The following CR1 variants were observed in gnomAD, a reference collection of about 807,000 sequenced individuals.
CR1 encodes the protein complement C3b/C4b receptor 1 (Knops blood group), also known as complement receptor type 1.
A neutral mutation model predicts 187.3 loss-of-function variants in CR1; 116 were observed. The observed-to-expected ratio is 0.62, with a 90% CI of 0.53 to 0.72. CR1 has a LOEUF of 0.72. Ranked by LOEUF, CR1 falls within the 30% of genes least tolerant of loss-of-function variation. The probability of loss-of-function intolerance (pLI) is 0.00; values close to 1 mark genes in which losing one functional copy is unlikely to be tolerated. For synonymous variants in CR1, 576 were observed against 747.1 expected, an observed-to-expected ratio of 0.77 and a Z score of 3.73; for missense variants, 1,731 against 2,110.7, an observed-to-expected ratio of 0.82 and a Z score of 3.52.
chr1:207,620,197 C>A, intron 43 of CR1, 132 bp downstream of exon 43: 1 of 880,402 alleles, frequency 1.1e-6, no homozygotes, highest in Non-Finnish European at 1.7e-6. Context: ...ATATGAGCAT[C>A]CACCTATTCC....
At chr1:207,525,171 C>T (rs549273089) in intron 5 of CR1, among the ~76,000 whole-genome samples, 1 of 152,084 alleles carries the variant, frequency 6.6e-6, no homozygotes, top group Admixed American at 6.5e-5. Context: ...AAGAAACCAC[C>T]TCCATGATCC....
intron 31 of CR1, among the ~76,000 whole-genome samples, chr1:207,581,208 G>A (rs569720393): frequency 1.5e-3 from 212 of 144,054 alleles, no homozygotes; most frequent in Non-Finnish European, 2.5e-3. Flanking sequence ...ATATGTAGAC[G>A]TATACATATG....
intron 3 of CR1, among the ~76,000 whole-genome samples, chr1:207,509,451 C>A (rs1007802955): frequency 2.0e-5 from 3 of 152,024 alleles, no homozygotes; most frequent in Non-Finnish European, 4.4e-5. Flanking sequence ...CTTACTTCCT[C>A]CAAACATTCT....
chr1:207,517,427 T>C (rs1314309050), intron 4 of CR1, among the ~76,000 whole-genome samples: 6 of 152,152 alleles, frequency 3.9e-5, no homozygotes, highest in African/African-American at 1.4e-4. Flanking sequence ...AATATTTTGT[T>C]CAGAAAATTT....
In CR1 at chr1:207,611,754, G is replaced by C. The variant is rs202148801; in HGVS notation, c.6373G>C (p.Val2125Leu). ...GGACAACTTTTCACCTGGGCAGGAA[G>C]TGTTCTACAGCTGTGAGCCCAGCTA... Reference protein sequence around the residue: ...HQDNFSPGQEVFYSCEPSYDL... With the variant: ...HQDNFSPGQELFYSCEPSYDL... Residue 2125 changes from valine (V) to leucine (L), a missense_variant, in exon 38 of 47, where the codon GTG (valine) becomes CTG (leucine). Around this residue, in one of 5 missense-constraint regions of CR1, gnomAD observed 1,312 missense variants for 1,379.6 expected, o/e 0.95. Transcript: ENST00000367049. 2.0e-4 allele frequency: 317 copies of C among 1,613,858 alleles called. 1 individual carries two copies. Among genetic ancestry groups the C allele is most frequent in the Non-Finnish European group, 4.1e-5 (48 of 1,179,888 alleles).
chr1:207,616,162 G>A (rs1662088444), intron 40 of CR1, among the ~76,000 whole-genome samples: 1 of 152,144 alleles, frequency 6.6e-6, no homozygotes, highest in African/African-American at 2.4e-5. Flanking sequence ...GATAGCTCAT[G>A]TTTATTAAAG....
At chr1:207,584,619 T>C (rs766034557) in intron 32 of CR1, 30 bp from the exon 33 acceptor site, 19 of 1,604,744 alleles carry the variant, frequency 1.2e-5, no homozygotes, top group East Asian at 2.2e-5. Context: ...AAATTTTTTA[T>C]GGAATTGAGA....
chr1:207,565,817 C>G (rs564438877), intron 23 of CR1, 21 bp from the exon 24 acceptor site: 1 of 1,610,348 alleles, frequency 6.2e-7, no homozygotes, highest in African/African-American at 1.4e-5. Flanking sequence ...GCTCACTATT[C>G]ACTCCTATTT....
chr1:207,613,724 A>T (rs752314153), intron 39 of CR1, among the ~76,000 whole-genome samples: 1 of 152,094 alleles, frequency 6.6e-6, no homozygotes, highest in Non-Finnish European at 1.5e-5. Flanking sequence ...TTTCCAAAGA[A>T]TCTTCGGCAT....
intron 28 of CR1, among the ~76,000 whole-genome samples, chr1:207,577,005 C>T (rs1452474571): frequency 6.6e-6 from 1 of 152,126 alleles, no homozygotes; most frequent in Non-Finnish European, 1.5e-5. Context: ...ACTCCCAGCA[C>T]ATTAGGAGGC....
chr1:207,516,174 A>G (rs1481917115), intron 4 of CR1, among the ~76,000 whole-genome samples: 1 of 152,170 alleles, frequency 6.6e-6, no homozygotes, highest in Non-Finnish European at 1.5e-5. Flanking sequence ...GTGAGTTATG[A>G]TGGTGCCACT....
In CR1 at chr1:207,579,313, C is replaced by T. The variant is rs746659848; in HGVS notation, c.4937-927C>T. The stretch of plus-strand genomic sequence containing the variant: ...TACATAGGGACAGAGAAGGAGCTTA[C>T]GATTCTTCTACCAACCCATGTTAGC... On this transcript the variant is annotated intron_variant, in intron 29 of 46. Coordinates refer to ENST00000367049, the MANE Select transcript of CR1 (RefSeq NM_000651.6). Among the ~76,000 whole-genome samples the T allele has an allele frequency of 5.3e-5, 8 of 152,150 alleles. No homozygotes were observed. In the East Asian group the frequency reaches 7.7e-4, roughly 15 times the overall value.
At chr1:207,520,668 C>T (rs1178178155) in intron 4 of CR1, among the ~76,000 whole-genome samples, 3 of 152,116 alleles carry the variant, frequency 2.0e-5, no homozygotes, top group Non-Finnish European at 4.4e-5. Flanking sequence ...GAAAACATAC[C>T]CGCATATGAG....
chr1:207,584,531 C>T, intron 32 of CR1, 118 bp from the exon 33 acceptor site: 2 of 1,260,974 alleles, frequency 1.6e-6, no homozygotes, highest in East Asian at 4.9e-5. Flanking sequence ...TTTCTACTTT[C>T]CTTAAGAAGA....
chr1:207,613,598 C>T (rs1662006183), intron 39 of CR1, among the ~76,000 whole-genome samples: 3 of 151,962 alleles, frequency 2.0e-5, no homozygotes, highest in Admixed American at 2.0e-4. Context: ...CCTCCTGCTT[C>T]TATCAGTTTC....
At chr1:207,627,244 C>T (rs1013732776) in intron 45 of CR1, among the ~76,000 whole-genome samples, 2 of 151,990 alleles carry the variant, frequency 1.3e-5, no homozygotes, top group Non-Finnish European at 2.9e-5. Context: ...TTTTTCATAG[C>T]CTTATTCTCT....
rs1661948789 is a variant in CR1, at chr1:207,612,008, T to G, written c.6542T>G (p.Leu2181Arg). The stretch of plus-strand genomic sequence containing the variant: ...GTGCTACTTCCACTTAATCTCCAGC[T>G]TGGGGCAAAGGTGTCCTTTGTTTGC... ...GRVLLPLNLQ[L>R]GAKVSFVCDE... Residue 2181 changes from leucine to arginine, a missense_variant, in exon 39 of 47, where the codon CTT becomes CGT. Transcript: ENST00000367049. 9 of 1,613,896 alleles carry G rather than the reference T, an allele frequency of 5.6e-6. No homozygotes were observed. The highest frequency in any genetic ancestry group is 7.6e-6 in the Non-Finnish European group (9 of 1,179,902).
intron 35 of CR1, among the ~76,000 whole-genome samples, chr1:207,591,324 A>G (rs1661265039): frequency 6.6e-6 from 1 of 152,236 alleles, no homozygotes. Flanking sequence ...ACTACATGGA[A>G]ACTGAACAGC....
rs994302519 is a variant in CR1 at position 207,640,924 on chromosome 1, G to A, written c.*1515G>A. On this transcript the variant is annotated 3_prime_UTR_variant, in exon 47 of 47. Transcript: ENST00000367049. ...CATGGAAGAGAGGGAAAAAAAACCAGCTTAAGAAAAATCAACTGATAAACT... is the reference window on the plus strand; with the variant it reads ...CATGGAAGAGAGGGAAAAAAAACCAACTTAAGAAAAATCAACTGATAAACT... 7 of 152,080 alleles carry A rather than the reference G, an allele frequency of 4.6e-5. No homozygotes were observed. The highest frequency in any genetic ancestry group is 3.9e-4 in the Admixed American group (6 of 15,272). 9.4% of individuals were successfully genotyped at this position (152,080 alleles called of 1,614,324 possible).
Sources: gnomAD v4.1 joint callset for allele counts (sites outside exome capture counted in the v4.1 genomes callset) on GRCh38, gnomAD v4.1.1 for gene constraint, gnomAD v4.1.1 regional missense constraint, MANE v1.5 for transcripts, NCBI Gene and HGNC (gene_info 2026-07-23, HGNC 2026-07-21) for gene names.